TTC27: variants seen among roughly 807,000 people sequenced by gnomAD.
TTC27 encodes the protein tetratricopeptide repeat protein 27.
TTC27 carries 79 observed loss-of-function variants against 115.9 expected under a neutral mutation model. The observed-to-expected ratio is 0.68, with a 90% CI of 0.57 to 0.82. TTC27 has a LOEUF of 0.82. TTC27 is among the 40% of genes least tolerant of loss of function. The pLI, the probability that TTC27 is intolerant of heterozygous loss-of-function variation, is 0.00. For missense variants in TTC27, 1,054 were observed against 993.1 expected, an observed-to-expected ratio of 1.06 and a Z score of -0.82; for synonymous variants, 401 against 356.0, an observed-to-expected ratio of 1.13 and a Z score of -1.42.
chr2:32,766,207 C>G (rs768710969), intron 13 of TTC27, among the ~76,000 whole-genome samples: 21 of 152,112 alleles, frequency 1.4e-4, no homozygotes, highest in Non-Finnish European at 2.8e-4. Context: ...TTATGGAGTA[C>G]AATTTTCTGT....
intron 12 of TTC27, among the ~76,000 whole-genome samples, chr2:32,757,899 AC>A (rs1469146206): frequency 2.0e-5 from 3 of 152,120 alleles, no homozygotes; most frequent in Non-Finnish European, 2.9e-5. Context: ...ACAGGGTTTC[AC>A]CATATTGGCC....
intron 18 of TTC27, among the ~76,000 whole-genome samples, chr2:32,817,253 A>T (rs1671529606): frequency 6.6e-6 from 1 of 152,038 alleles, no homozygotes; most frequent in African/African-American, 2.4e-5. Context: ...ATCTTAAAAA[A>T]AAAAAAGAAG....
At position 32,665,829 on chromosome 2, in the gene TTC27, T is replaced by G. The variant is rs1665753419; in HGVS notation, c.806-806T>G. ...TTGCTTGAACCAGGGAGTCGGAGGT[T>G]GCAGTGAGCTGAGATCGCACCACTG... is the stretch of plus-strand genomic sequence containing the variant. On this transcript the variant is annotated intron_variant, in intron 6 of 19. Coordinates refer to ENST00000317907, the MANE Select transcript of TTC27 (RefSeq NM_017735.5). 2.0e-5 allele frequency among the ~76,000 whole-genome samples: 3 copies of G among 152,166 alleles called. No homozygotes were observed. The South Asian group carries it at 6.2e-4, about 32-fold the overall frequency.
intron 8 of TTC27, among the ~76,000 whole-genome samples, chr2:32,676,111 A>G (rs770358420): frequency 4.6e-5 from 7 of 151,944 alleles, no homozygotes; most frequent in Non-Finnish European, 7.4e-5. Flanking sequence ...GAATTCTTAT[A>G]CATTGTAGAT....
chr2:32,742,793 A>G (rs780395151), intron 12 of TTC27, among the ~76,000 whole-genome samples: 2 of 152,288 alleles, frequency 1.3e-5, no homozygotes, highest in South Asian at 4.1e-4. Context: ...CAGCCTCTAC[A>G]ATAGAATCAG....
intron 10 of TTC27, among the ~76,000 whole-genome samples, chr2:32,717,669 C>T (rs1033737325): frequency 2.0e-5 from 3 of 151,936 alleles, no homozygotes; most frequent in Admixed American, 1.3e-4. Context: ...GTATAGAATT[C>T]TAGTTGCAAA....
chr2:32,771,579 G>A (rs1053525454), intron 13 of TTC27, among the ~76,000 whole-genome samples: 16 of 152,154 alleles, frequency 1.1e-4, no homozygotes, highest in African/African-American at 3.1e-4. Flanking sequence ...TTAGTTTAAG[G>A]GAAGACACTG....
chr2:32,658,914 C>G (rs1304319161), intron 5 of TTC27, among the ~76,000 whole-genome samples: 1 of 152,032 alleles, frequency 6.6e-6, no homozygotes, highest in Non-Finnish European at 1.5e-5. Context: ...TTCACTTATT[C>G]CTTATTTGAT....
chr2:32,631,976 T>G (rs1432822974), intron 2 of TTC27, among the ~76,000 whole-genome samples: 1 of 151,502 alleles, frequency 6.6e-6, no homozygotes, highest in Non-Finnish European at 1.5e-5. Context: ...CCTGGCTCAT[T>G]TTTTTTGTAT....
At chr2:32,709,790 C>G (rs577548614) in intron 10 of TTC27, among the ~76,000 whole-genome samples, 1 of 152,118 alleles carries the variant, frequency 6.6e-6, no homozygotes, top group Non-Finnish European at 1.5e-5. Context: ...CTGGGCCCCA[C>G]CGTGTAGAGC....
chr2:32,686,384 G>A (rs1417826113), intron 9 of TTC27, among the ~76,000 whole-genome samples: 2 of 151,576 alleles, frequency 1.3e-5, no homozygotes, highest in Non-Finnish European at 2.9e-5. Context: ...CTTTTTTTCT[G>A]AGACGTAGTC....
At chr2:32,652,802 A>G (rs1572478937) in intron 5 of TTC27, among the ~76,000 whole-genome samples, 1 of 152,318 alleles carries the variant, frequency 6.6e-6, no homozygotes, top group Middle Eastern at 3.4e-3. Flanking sequence ...GAAGGGTATT[A>G]TATTTGAAAT....
At chr2:32,717,893 G>C (rs541070049) in intron 10 of TTC27, among the ~76,000 whole-genome samples, 1 of 152,172 alleles carries the variant, frequency 6.6e-6, no homozygotes, top group African/African-American at 2.4e-5. Flanking sequence ...CCTGGTTTCC[G>C]ATCCCAGCGC....
In TTC27 at chr2:32,672,330, A is replaced by G. The variant is rs902834434; in HGVS notation, c.998A>G (p.Gln333Arg). 6.2e-7 allele frequency: 1 copy of G among 1,614,040 alleles called. No homozygotes were observed. Among genetic ancestry groups the G allele is most frequent in the South Asian group, 1.1e-5 (1 of 91,078 alleles). ...LNDIKLADCE[Q>R]FQMPDLCAEE... ...GACATAAAGTTAGCAGATTGTGAAC[A>G]GTTCCAGATGCCGGATCTGTGTGCT... The change falls in exon 8 of 20, where the codon CAG (glutamine) becomes CGG (arginine). Residue 333 changes from glutamine (Q) to arginine (R), a missense_variant. Gln to Arg is a conservative substitution (Grantham distance 43). Transcript: ENST00000317907.
intron 14 of TTC27, among the ~76,000 whole-genome samples, chr2:32,781,420 T>C (rs1481152984): frequency 6.6e-6 from 1 of 151,518 alleles, no homozygotes; most frequent in African/African-American, 2.4e-5. Context: ...CTTCTTCCCA[T>C]GTCCGCCATT....
chr2:32,746,168 TG>T (rs1417162999), intron 12 of TTC27, among the ~76,000 whole-genome samples: 2 of 152,242 alleles, frequency 1.3e-5, no homozygotes, highest in Non-Finnish European at 2.9e-5. Context: ...GCAGGTTCAT[TG>T]CAACCAGTTG....
At chr2:32,782,415 T>A (rs1471480354) in intron 14 of TTC27, among the ~76,000 whole-genome samples, 3 of 152,238 alleles carry the variant, frequency 2.0e-5, no homozygotes, top group African/African-American at 7.2e-5. Flanking sequence ...CAATAATAGT[T>A]ACATTGCATA....
chr2:32,743,731 C>T (rs1055488708), intron 12 of TTC27, among the ~76,000 whole-genome samples: 1 of 152,110 alleles, frequency 6.6e-6, no homozygotes, highest in African/African-American at 2.4e-5. Flanking sequence ...TAGTTCTCAT[C>T]ATTTGGTTAG....
intron 19 of TTC27, among the ~76,000 whole-genome samples, chr2:32,819,672 A>G (rs1402111385): frequency 6.6e-6 from 1 of 152,112 alleles, no homozygotes; most frequent in East Asian, 1.9e-4. Flanking sequence ...CATCCAGTCC[A>G]TGCTCTCCCA....
Sources: gnomAD v4.1 joint callset for allele counts (sites outside exome capture counted in the v4.1 genomes callset) on GRCh38, gnomAD v4.1.1 for gene constraint, MANE v1.5 for transcripts, NCBI Gene and HGNC (gene_info 2026-07-23, HGNC 2026-07-21) for gene names.